The following SMOC2 variants were observed in gnomAD, a reference collection of about 807,000 sequenced individuals.
SMOC2 encodes the protein SPARC-related modular calcium-binding protein 2.
Under a neutral mutation model 61.4 loss-of-function variants are expected in SMOC2, and 39 were observed. The observed-to-expected ratio is 0.64, with a 90% CI of 0.49 to 0.83. SMOC2 has a LOEUF of 0.83. Among genes scored for constraint, SMOC2 ranks in the 40% least tolerant of loss-of-function variants. The pLI is 0.00. For missense variants in SMOC2, 556 were observed against 592.9 expected, an observed-to-expected ratio of 0.94 and a Z score of 0.65; for synonymous variants, 247 against 239.9, an observed-to-expected ratio of 1.03 and a Z score of -0.27.
chr6:168,585,196 C>T (rs1785021697), intron 7 of SMOC2, among the ~76,000 whole-genome samples: 2 of 152,122 alleles, frequency 1.3e-5, no homozygotes, highest in African/African-American at 4.8e-5. Context: ...TGGGCTTATG[C>T]GATCCTCCTG....
At chr6:168,596,087 GC>G (rs1170025584) in intron 7 of SMOC2, among the ~76,000 whole-genome samples, 30 of 110,902 alleles carry the variant, frequency 2.7e-4, no homozygotes, top group African/African-American at 8.5e-4. Flanking sequence ...TGCTGGAGAG[GC>G]ATGAACAAGC....
chr6:168,481,831 G>C (rs1371254285), intron 1 of SMOC2, among the ~76,000 whole-genome samples: 1 of 151,640 alleles, frequency 6.6e-6, no homozygotes, highest in Non-Finnish European at 1.5e-5. Context: ...GGAAAGAATG[G>C]AAAAAGATTC....
At chr6:168,492,298 A>G (rs1283114775) in intron 1 of SMOC2, among the ~76,000 whole-genome samples, 1 of 152,166 alleles carries the variant, frequency 6.6e-6, no homozygotes, top group African/African-American at 2.4e-5. Flanking sequence ...CACATGCATG[A>G]TGCTCATTTT....
intron 1 of SMOC2, among the ~76,000 whole-genome samples, chr6:168,499,634 G>A (rs1004310496): frequency 2.0e-5 from 3 of 152,170 alleles, no homozygotes; most frequent in Non-Finnish European, 4.4e-5. Flanking sequence ...TGTCTTCTAC[G>A]TGTGAAGGAA....
At chr6:168,570,874 TG>T (rs1220875569) in intron 7 of SMOC2, among the ~76,000 whole-genome samples, 1 of 152,204 alleles carries the variant, frequency 6.6e-6, no homozygotes, top group East Asian at 1.9e-4. Context: ...TTTATTTGTC[TG>T]GGGGGCAGTG....
chr6:168,663,438 G>A (rs1361373535), intron 11 of SMOC2, among the ~76,000 whole-genome samples: 2 of 152,196 alleles, frequency 1.3e-5, no homozygotes, highest in African/African-American at 2.4e-5. Context: ...ATTGCTGATG[G>A]CTTCACTTCC....
intron 9 of SMOC2, among the ~76,000 whole-genome samples, chr6:168,637,977 C>T (rs111969928): frequency 0.029 from 4,468 of 151,646 alleles, 226 homozygotes; most frequent in African/African-American, 0.1. Flanking sequence ...GCCCCTGCCC[C>T]GCCCCTGCCC....
intron 1 of SMOC2, among the ~76,000 whole-genome samples, chr6:168,450,027 A>C (rs1313253656): frequency 6.6e-6 from 1 of 150,832 alleles, no homozygotes; most frequent in African/African-American, 2.4e-5. Flanking sequence ...CTTCCTTGAG[A>C]TGTGCTTATC....
At chr6:168,586,170 G>A (rs573777643) in intron 7 of SMOC2, among the ~76,000 whole-genome samples, 9 of 152,178 alleles carry the variant, frequency 5.9e-5, no homozygotes, top group Admixed American at 1.3e-4. Context: ...TGTGTGTGTG[G>A]TGAGTTAGGC....
intron 7 of SMOC2, among the ~76,000 whole-genome samples, chr6:168,581,472 A>C (rs1319847139): frequency 6.6e-6 from 1 of 152,200 alleles, no homozygotes; most frequent in South Asian, 2.1e-4. Context: ...CTGCAGCTTC[A>C]GAAGCCCCGG....
chr6:168,454,054 C>T (rs187137455), intron 1 of SMOC2, among the ~76,000 whole-genome samples: 4 of 152,220 alleles, frequency 2.6e-5, no homozygotes, highest in Middle Eastern at 6.8e-3. Context: ...CATCTCTGTA[C>T]TATCTCTGTG....
chr6:168,467,133 T>TCAAACACACACACA (rs1781853372), intron 1 of SMOC2, among the ~76,000 whole-genome samples: 4 of 83,224 alleles, frequency 4.8e-5, no homozygotes, highest in African/African-American at 1.7e-4. Context: ...ATCAGTGCTC[T>TCAAACACACACACA]CAAACACACA....
At chr6:168,487,373 T>C (rs1473209203) in intron 1 of SMOC2, among the ~76,000 whole-genome samples, 2 of 152,316 alleles carry the variant, frequency 1.3e-5, no homozygotes, top group African/African-American at 4.8e-5. Flanking sequence ...TATTTCAGAA[T>C]ATAAGAGATG....
chr6:168,652,428 G>T (rs1359382111), intron 10 of SMOC2, among the ~76,000 whole-genome samples: 1 of 152,176 alleles, frequency 6.6e-6, no homozygotes, highest in Admixed American at 6.5e-5. Flanking sequence ...GCCATTTGGT[G>T]CACTTTTAAA....
chr6:168,623,329 A>ATTTTTTTTTTT lies in SMOC2; in HGVS notation c.907+15099_907+15109dup, dbSNP rs11284179. Among the ~76,000 whole-genome samples, 7 of 129,082 alleles carry ATTTTTTTTTTT rather than the reference A, an allele frequency of 5.4e-5. 1 individual carries two copies. The highest frequency in any genetic ancestry group is 9.5e-5 in the Non-Finnish European group (6 of 62,950). The allele number at this position is 129,082 out of a possible 152,430, so 84.7% of individuals were successfully genotyped here. The stretch of plus-strand genomic sequence containing the variant: ...GTTTTGGCTGAGACATGGATAATTA[A>ATTTTTTTTTTT]TTTTTTTTTTTTTTTTTTTGAGACA... On this transcript the variant is annotated intron_variant, in intron 9 of 12. Transcript: ENST00000356284.
At chr6:168,599,581 A>ACACACACCCACACACCCCC (rs138811685) in intron 8 of SMOC2, among the ~76,000 whole-genome samples, 1 of 31,626 alleles carries the variant, frequency 3.2e-5, no homozygotes, top group African/African-American at 1.8e-4. Flanking sequence ...CACTCATACC[A>ACACACACCCACACACCCCC]CACACACCCA....
At chr6:168,500,133 A>T (rs1279942520) in intron 1 of SMOC2, among the ~76,000 whole-genome samples, 1 of 151,938 alleles carries the variant, frequency 6.6e-6, no homozygotes, top group Non-Finnish European at 1.5e-5. Flanking sequence ...ATCCCAAAAT[A>T]CAAAAATTAG....
At chr6:168,520,863 C>T (rs1023061197) in intron 2 of SMOC2, among the ~76,000 whole-genome samples, 1 of 152,214 alleles carries the variant, frequency 6.6e-6, no homozygotes, top group East Asian at 1.9e-4. Context: ...CTACCAAATT[C>T]ATCATCACCT....
intron 7 of SMOC2, among the ~76,000 whole-genome samples, chr6:168,557,210 C>T (rs1432990404): frequency 6.6e-6 from 1 of 152,098 alleles, no homozygotes; most frequent in Non-Finnish European, 1.5e-5. Flanking sequence ...AACATCAAGA[C>T]ACCAATTAGA....
Sources: allele counts gnomAD v4.1 joint callset (sites outside exome capture counted in the v4.1 genomes callset), GRCh38; gene constraint gnomAD v4.1.1; transcripts MANE v1.5; gene names NCBI Gene and HGNC (gene_info 2026-07-23, HGNC 2026-07-21).